Variants in RAB6A observed in about 807,000 individuals in gnomAD.
The protein encoded by RAB6A is RAB6A, member RAS oncogene family.
In RAB6A, 8 loss-of-function variants were observed where a neutral mutation model predicts 32.3. The observed-to-expected ratio is 0.25, with a 90% confidence interval of 0.15 to 0.45. The LOEUF (loss-of-function observed/expected upper bound fraction) is 0.45, where lower values mean the gene tolerates loss of function less well. RAB6A is among the 20% of genes least tolerant of loss of function. The pLI is 1.00. For synonymous variants in RAB6A, 73 were observed against 82.1 expected (o/e 0.89, Z 0.60); for missense variants, 104 against 249.4 (o/e 0.42, Z 3.93).
At chr11:73,740,760 C>A (rs1165923074) in intron 1 of RAB6A, among the ~76,000 whole-genome samples, 2 of 152,002 alleles carry the variant, frequency 1.3e-5, no homozygotes, top group South Asian at 2.1e-4. Context: ...TGATGGCATG[C>A]GCCTGTAATC....
intron 1 of RAB6A, among the ~76,000 whole-genome samples, chr11:73,756,444 G>GA (rs1214045024): frequency 6.6e-6 from 1 of 152,106 alleles, no homozygotes; most frequent in East Asian, 1.9e-4. Flanking sequence ...AGCATTGATG[G>GA]AAAAAAAGAA....
At chr11:73,695,630 T>A (rs1335097238) in intron 6 of RAB6A, among the ~76,000 whole-genome samples, 1 of 152,182 alleles carries the variant, frequency 6.6e-6, no homozygotes, top group East Asian at 1.9e-4. Flanking sequence ...TCTGCCCACC[T>A]TGGCCTCCCA....
At position 73,731,630 on chromosome 11, in the gene RAB6A, G is replaced by C. The variant is rs189939007; in HGVS notation, c.71-807C>G. Among the ~76,000 whole-genome samples, 306 of 140,900 alleles carry C rather than the reference G, an allele frequency of 2.2e-3. 3 individuals carry two copies. The highest frequency in any genetic ancestry group is 3.0e-3 in the Non-Finnish European group (197 of 66,122). The allele number at this position is 140,900 out of a possible 152,430, so 92.4% of individuals were successfully genotyped here. A position where few individuals can be genotyped will look rare whatever the true frequency, so the allele number is the denominator to read the frequency against. Reference sequence around the variant, plus strand: ...TAGAACTCTCTACTTCTCTGGCAAAGAATTACCAAAGATCCATAACTTCAC... The same window carrying C: ...TAGAACTCTCTACTTCTCTGGCAAACAATTACCAAAGATCCATAACTTCAC... On this transcript the variant is annotated intron_variant, in intron 1 of 7. Transcript: ENST00000336083.
chr11:73,740,994 A>G (rs1257552653), intron 1 of RAB6A, among the ~76,000 whole-genome samples: 1 of 152,236 alleles, frequency 6.6e-6, no homozygotes, highest in East Asian at 1.9e-4. Context: ...GTAATTTCAC[A>G]TCTATGGCTC....
chr11:73,716,818 A>G (rs1946060774), intron 4 of RAB6A, among the ~76,000 whole-genome samples: 1 of 152,238 alleles, frequency 6.6e-6, no homozygotes, highest in African/African-American at 2.4e-5. Flanking sequence ...ATAGCTTTCA[A>G]CACCACTGTT....
chr11:73,697,407 T>C (rs1471222910), intron 6 of RAB6A, among the ~76,000 whole-genome samples: 3 of 152,192 alleles, frequency 2.0e-5, no homozygotes, highest in Admixed American at 1.3e-4. Context: ...CTCGGCTCAC[T>C]GCAACCTCCG....
chr11:73,686,554 AAAAAC>A lies in RAB6A; in HGVS notation c.496-6839_496-6835del, dbSNP rs775431988. Among the ~76,000 whole-genome samples the A allele has an allele frequency of 3.5e-4, 53 of 152,208 alleles. No homozygotes were observed. The Middle Eastern group carries it at 0.02, about 59-fold the overall frequency. On this transcript the variant is annotated intron_variant, in intron 6 of 7. Coordinates refer to ENST00000336083, the MANE Select transcript of RAB6A (RefSeq NM_198896.2). Reference sequence around the variant, plus strand: ...TAGATGACAGAGTGAGACTCTGTCTAAAAACAAAACAAAACAAAAACCAGGTTTAT... The same window carrying A: ...TAGATGACAGAGTGAGACTCTGTCTAAAAACAAAACAAAAACCAGGTTTAT...
At chr11:73,709,078 A>G (rs1945897253) in intron 5 of RAB6A, among the ~76,000 whole-genome samples, 1 of 152,180 alleles carries the variant, frequency 6.6e-6, no homozygotes, top group Admixed American at 6.5e-5. Flanking sequence ...CAATCTGCAG[A>G]CCTTTAGCCC....
intron 2 of RAB6A, among the ~76,000 whole-genome samples, chr11:73,723,997 T>C (rs565812472): frequency 6.6e-6 from 1 of 152,204 alleles, no homozygotes; most frequent in South Asian, 2.1e-4. Flanking sequence ...TTTATGTATG[T>C]CAATTCCTGT....
At chr11:73,700,624 G>GGGA (rs1945730705) in intron 6 of RAB6A, among the ~76,000 whole-genome samples, 1 of 45,496 alleles carries the variant, frequency 2.2e-5, no homozygotes, top group Non-Finnish European at 4.5e-5. Context: ...GGGGGGGGGG[G>GGGA]AGGAGGGTAG....
intron 2 of RAB6A, among the ~76,000 whole-genome samples, chr11:73,724,482 T>TC (rs1385752942): frequency 1.3e-5 from 2 of 149,026 alleles, no homozygotes; most frequent in African/African-American, 5.0e-5. Flanking sequence ...TAAATGCATT[T>TC]CGTTTTTTTT....
intron 6 of RAB6A, among the ~76,000 whole-genome samples, chr11:73,705,548 A>C (rs1418139112): frequency 6.6e-6 from 1 of 152,166 alleles, no homozygotes; most frequent in African/African-American, 2.4e-5. Context: ...CCCTGTCTCA[A>C]ATAAAAAAAT....
At chr11:73,734,746 C>T (rs1051922140) in intron 1 of RAB6A, among the ~76,000 whole-genome samples, 13 of 152,278 alleles carry the variant, frequency 8.5e-5, no homozygotes, top group Admixed American at 3.9e-4. Context: ...CTGCTTACCT[C>T]CTGCCGTGAG....
intron 1 of RAB6A, chr11:73,760,128 A>C (rs1264458306): frequency 1.5e-6 from 2 of 1,292,896 alleles, no homozygotes. Context: ...GCCAAGGTTG[A>C]AGAGGGCCCG....
intron 1 of RAB6A, among the ~76,000 whole-genome samples, chr11:73,732,550 C>T (rs895154206): frequency 3.3e-5 from 5 of 152,026 alleles, no homozygotes; most frequent in Non-Finnish European, 5.9e-5. Flanking sequence ...TGCGCCACCG[C>T]GCTCCAGACT....
chr11:73,720,712 T>C (rs1946123269), intron 3 of RAB6A, 134 bp downstream of exon 3: 1 of 691,712 alleles, frequency 1.4e-6, no homozygotes, highest in Non-Finnish European at 2.5e-6. Context: ...GTAATAAGAG[T>C]TTTTCTCAAC....
intron 4 of RAB6A, among the ~76,000 whole-genome samples, chr11:73,716,834 T>C (rs1009290620): frequency 1.3e-5 from 2 of 152,240 alleles, no homozygotes; most frequent in African/African-American, 4.8e-5. Context: ...CTGTTTGCAC[T>C]GCTTCCTCAG....
At chr11:73,717,922 C>A (rs141833839) in intron 4 of RAB6A, among the ~76,000 whole-genome samples, 3 of 152,144 alleles carry the variant, frequency 2.0e-5, no homozygotes, top group Non-Finnish European at 4.4e-5. Flanking sequence ...TTGTCAGTCA[C>A]CAATGCTTCA....
chr11:73,692,119 A>G (rs1374264493), intron 6 of RAB6A, among the ~76,000 whole-genome samples: 1 of 152,186 alleles, frequency 6.6e-6, no homozygotes, highest in African/African-American at 2.4e-5. Context: ...AGACCAACAC[A>G]GACTTCAGAG....
Sources: allele counts gnomAD v4.1 joint callset (sites outside exome capture counted in the v4.1 genomes callset), GRCh38; gene constraint gnomAD v4.1.1; transcripts MANE v1.5; gene names NCBI Gene and HGNC (gene_info 2026-07-23, HGNC 2026-07-21).